Variants in BABAM2 observed in about 807,000 individuals in gnomAD.
BABAM2 encodes BRISC and BRCA1-A complex member 2.
BABAM2 carries 31 observed loss-of-function variants against 54.7 expected under a neutral mutation model. The ratio of observed to expected loss-of-function variants is 0.57; its 90% confidence interval spans 0.43 to 0.77. The LOEUF (loss-of-function observed/expected upper bound fraction) is 0.77, where lower values mean the gene tolerates loss of function less well. BABAM2 is among the 30% of genes least tolerant of loss of function. The pLI is 0.00. For missense variants in BABAM2, 364 were observed against 455.8 expected (o/e 0.80, Z 1.83); for synonymous variants, 167 against 162.9 (o/e 1.03, Z -0.19).
chr2:28,128,404 G>A (rs1251351576), intron 6 of BABAM2, among the ~76,000 whole-genome samples: 3 of 152,198 alleles, frequency 2.0e-5, no homozygotes, highest in Admixed American at 6.5e-5. Flanking sequence ...TTTTAATTCA[G>A]TATTTTATTC....
intron 6 of BABAM2, among the ~76,000 whole-genome samples, chr2:28,122,004 G>A (rs1238130211): frequency 6.6e-6 from 1 of 152,096 alleles, no homozygotes; most frequent in African/African-American, 2.4e-5. Context: ...CATGAGGTCA[G>A]GAGATTGAGA....
At chr2:28,202,616 ATTTTAGTTGGGGCT>A (rs1338038582) in intron 7 of BABAM2, among the ~76,000 whole-genome samples, 1 of 152,128 alleles carries the variant, frequency 6.6e-6, no homozygotes. Flanking sequence ...CGATGGGAAC[ATTTTAGTTGGGGCT>A]TTTGTTCATT....
intron 4 of BABAM2, among the ~76,000 whole-genome samples, chr2:28,024,296 C>A (rs1049645740): frequency 2.8e-4 from 42 of 151,918 alleles, no homozygotes; most frequent in Non-Finnish European, 1.5e-5. Context: ...GTCCCAGCTA[C>A]TCGGGAGACT....
At chr2:27,905,888 G>A (rs1185106028) in intron 2 of BABAM2, among the ~76,000 whole-genome samples, 1 of 152,358 alleles carries the variant, frequency 6.6e-6, no homozygotes, top group South Asian at 2.1e-4. Context: ...GACCCTGCAG[G>A]TGGATGAAAC....
intron 2 of BABAM2, among the ~76,000 whole-genome samples, chr2:27,905,584 T>C (rs1666133208): frequency 6.6e-6 from 1 of 152,180 alleles, no homozygotes; most frequent in Admixed American, 6.5e-5. Flanking sequence ...TAATAAATAA[T>C]ATGTGGTATG....
chr2:28,225,813 G>A (rs1558451600), intron 7 of BABAM2, among the ~76,000 whole-genome samples: 1 of 151,896 alleles, frequency 6.6e-6, no homozygotes, highest in Admixed American at 6.6e-5. Context: ...TTTACCTGCT[G>A]ATGGAATATA....
intron 3 of BABAM2, among the ~76,000 whole-genome samples, chr2:27,962,797 A>T (rs1171010452): frequency 1.3e-5 from 2 of 152,204 alleles, no homozygotes; most frequent in East Asian, 3.9e-4. Context: ...AGAGCTAAAG[A>T]CCATTTGATG....
intron 3 of BABAM2, among the ~76,000 whole-genome samples, chr2:27,978,416 G>A (rs1044567844): frequency 6.6e-6 from 1 of 152,086 alleles, no homozygotes; most frequent in African/African-American, 2.4e-5. Context: ...TCCAGTCCTC[G>A]GTTAGTTCTT....
chr2:28,031,118 T>C (rs1055963022), intron 5 of BABAM2, among the ~76,000 whole-genome samples: 2 of 152,196 alleles, frequency 1.3e-5, no homozygotes, highest in African/African-American at 4.8e-5. Context: ...AAACTTAGTT[T>C]ACTTCTTTAA....
chr2:27,971,105 C>CT (rs1671179937), intron 3 of BABAM2, among the ~76,000 whole-genome samples: 1 of 151,912 alleles, frequency 6.6e-6, no homozygotes, highest in East Asian at 1.9e-4. Context: ...ATAAAGATAC[C>CT]TTTTCTCAAT....
chr2:28,019,661 G>A (rs1043587190), intron 4 of BABAM2, among the ~76,000 whole-genome samples: 1 of 152,150 alleles, frequency 6.6e-6, no homozygotes, highest in Non-Finnish European at 1.5e-5. Context: ...ACCTTGAGTT[G>A]ATTTTCATAT....
chr2:28,211,510 C>G (rs1449032045), intron 7 of BABAM2, among the ~76,000 whole-genome samples: 1 of 150,756 alleles, frequency 6.6e-6, no homozygotes, highest in Non-Finnish European at 1.5e-5. Context: ...GCCTCAGCCT[C>G]CCGAGTAGCT....
intron 5 of BABAM2, among the ~76,000 whole-genome samples, chr2:28,045,192 T>TTAATGA (rs1677463552): frequency 6.6e-6 from 1 of 152,176 alleles, no homozygotes; most frequent in African/African-American, 2.4e-5. Context: ...AAAACATCAG[T>TTAATGA]TAATGATAAT....
chr2:27,988,202 C>A, intron 4 of BABAM2, 115 bp downstream of exon 4: 1 of 926,272 alleles, frequency 1.1e-6, no homozygotes, highest in African/African-American at 1.6e-5. Flanking sequence ...TTTTCCCACC[C>A]CTCTTTTCTC....
rs73922223 is a variant in BABAM2, at chr2:28,091,069, A to T, written c.571-38202A>T. Among the ~76,000 whole-genome samples, 650 of 152,258 alleles carry T rather than the reference A, an allele frequency of 4.3e-3. 5 individuals carry two copies. The highest frequency in any genetic ancestry group is 0.015 in the African/African-American group (604 of 41,536). On this transcript the variant is annotated intron_variant, in intron 6 of 11. Transcript: ENST00000379624. Reference sequence around the variant, plus strand: ...CCTGAGCCTTAACAATATATTTTCCATTTATACTACCCTTATAAATTGAAG... The same window carrying T: ...CCTGAGCCTTAACAATATATTTTCCTTTTATACTACCCTTATAAATTGAAG...
At chr2:28,092,973 A>G (rs1196786764) in intron 6 of BABAM2, among the ~76,000 whole-genome samples, 2 of 152,096 alleles carry the variant, frequency 1.3e-5, no homozygotes, top group Admixed American at 6.6e-5. Context: ...TTATCTTCAG[A>G]TCATTCTTTA....
intron 5 of BABAM2, among the ~76,000 whole-genome samples, chr2:28,041,985 G>A (rs1677137439): frequency 6.6e-6 from 1 of 152,142 alleles, no homozygotes; most frequent in Non-Finnish European, 1.5e-5. Flanking sequence ...TTGGACTCAG[G>A]ATATATTTTG....
At chr2:28,065,548 G>T (rs1176245314) in intron 6 of BABAM2, among the ~76,000 whole-genome samples, 1 of 152,160 alleles carries the variant, frequency 6.6e-6, no homozygotes, top group East Asian at 1.9e-4. Flanking sequence ...GGAGCTTCTA[G>T]GATAGCTGAC....
chr2:27,997,504 T>C (rs1324036777), intron 4 of BABAM2, among the ~76,000 whole-genome samples: 1 of 152,206 alleles, frequency 6.6e-6, no homozygotes, highest in African/African-American at 2.4e-5. Flanking sequence ...AATTAAGATT[T>C]ATGATTTCAT....
Sources: allele counts gnomAD v4.1 joint callset (sites outside exome capture counted in the v4.1 genomes callset), GRCh38; gene constraint gnomAD v4.1.1; transcripts MANE v1.5; gene names NCBI Gene and HGNC (gene_info 2026-07-23, HGNC 2026-07-21).